EBF1: variants seen among roughly 807,000 people sequenced by gnomAD.
EBF1 encodes the protein EBF transcription factor 1, also known as transcription factor COE1.
EBF1 carries 10 observed loss-of-function variants against 68.4 expected under a neutral mutation model. The ratio of observed to expected loss-of-function variants is 0.15; its 90% CI spans 0.09 to 0.25. The LOEUF (loss-of-function observed/expected upper bound fraction) is 0.25, where lower values mean the gene tolerates loss of function less well. EBF1 is among the 10% of genes least tolerant of loss of function. The pLI is 1.00. For missense variants in EBF1, 509 were observed against 794.4 expected, an observed-to-expected ratio of 0.64 and a Z score of 4.32; for synonymous variants, 298 against 299.8, an observed-to-expected ratio of 0.99 and a Z score of 0.06.
chr5:158,779,362 T>C, intron 9 of EBF1, among the ~76,000 whole-genome samples: 1 of 152,158 alleles, frequency 6.6e-6, no homozygotes, highest in Non-Finnish European at 1.5e-5. Flanking sequence ...GGACAAACAC[T>C]TCCTTTGTAA....
At position 158,697,221 on chromosome 5, in the gene EBF1, C is replaced by T. The variant is rs1374302353; in HGVS notation, c.*1890G>A. The T allele has an allele frequency of 5.3e-6, 1 of 190,200 alleles. No individual in the cohort carries two copies. The highest frequency in any genetic ancestry group is 2.4e-5 in the African/African-American group (1 of 42,418). The allele number at this position is 190,200 out of a possible 1,614,324, so 11.8% of individuals were successfully genotyped here. The stretch of plus-strand genomic sequence containing the variant: ...TTGTAAGCTTCCAAAGCAAAGGATA[C>T]ATTTTTTTTTAAATCTACTGAACTA... On this transcript the variant is annotated 3_prime_UTR_variant, in exon 16 of 16. Transcript: ENST00000313708.
At chr5:159,012,097 G>A (rs1764781846) in intron 6 of EBF1, among the ~76,000 whole-genome samples, 1 of 152,022 alleles carries the variant, frequency 6.6e-6, no homozygotes, top group South Asian at 2.1e-4. Flanking sequence ...GACCAACCTG[G>A]CCAACATGGT....
intron 6 of EBF1, among the ~76,000 whole-genome samples, chr5:158,881,376 G>A (rs566840912): frequency 3.1e-4 from 47 of 152,080 alleles, no homozygotes; most frequent in Non-Finnish European, 4.0e-4. Context: ...AAAATCACCC[G>A]TGATTCTGGA....
chr5:158,787,235 T>TCAGGC (rs548491558), intron 9 of EBF1, among the ~76,000 whole-genome samples: 57 of 152,338 alleles, frequency 3.7e-4, no homozygotes, highest in African/African-American at 1.3e-3. Flanking sequence ...TTTTGATTAC[T>TCAGGC]CAGGGCCACT....
In EBF1 at chr5:159,099,517, G is replaced by GT. The variant is rs1783257120; in HGVS notation, c.-40_-39insA. 9.4e-7 allele frequency: 1 copy of GT among 1,069,392 alleles called. No homozygotes were observed. Among genetic ancestry groups the GT allele is most frequent in the Non-Finnish European group, 1.2e-6 (1 of 857,534 alleles). The allele number at this position is 1,069,392 out of a possible 1,614,324, so 66.2% of individuals were successfully genotyped here. ...TCTTGTGGAAAATCTCCTCCCCCTT[G>GT]AAAAAAATTAAAAAAAAAAAAAAAG... On this transcript the variant is annotated 5_prime_UTR_variant, in exon 1 of 16. Coordinates refer to ENST00000313708, the MANE Select transcript of EBF1 (RefSeq NM_024007.5).
At chr5:158,770,654 A>G (rs1266882795) in intron 10 of EBF1, among the ~76,000 whole-genome samples, 1 of 151,750 alleles carries the variant, frequency 6.6e-6, no homozygotes, top group Non-Finnish European at 1.5e-5. Context: ...GTTTCCTCCC[A>G]CCCAGGGCCT....
chr5:158,983,009 C>A (rs1224803234), intron 6 of EBF1: 1 of 152,228 alleles, frequency 6.6e-6, no homozygotes, highest in Non-Finnish European at 1.5e-5. Context: ...ACCTGCCACA[C>A]TTTACCTAAG....
chr5:158,696,614 C>A lies in EBF1; in HGVS notation c.*2497G>T. ...GAGTACCGAGAAGCAATGCGTCCAC[C>A]TTGCTTACATTTTCCAGTTTTTTTT... On this transcript the variant is annotated 3_prime_UTR_variant, in exon 16 of 16. Transcript: ENST00000313708. 4.6e-6 allele frequency: 1 copy of A among 219,462 alleles called. No homozygotes were observed. The highest frequency in any genetic ancestry group is 9.2e-6 in the Non-Finnish European group (1 of 109,210). The allele number at this position is 219,462 out of a possible 1,614,324, so 13.6% of individuals were successfully genotyped here.
At chr5:158,986,430 G>A (rs1161985617) in intron 6 of EBF1, 4 of 152,132 alleles carry the variant, frequency 2.6e-5, no homozygotes, top group Non-Finnish European at 4.4e-5. Flanking sequence ...ATGCCTACAG[G>A]AACACACAGA....
Position 158,988,266 on chromosome 5 carries a change from G to A in EBF1, c.554+85130C>T, listed in dbSNP as rs115037973. Among the ~76,000 whole-genome samples, 387 of 152,130 alleles carry A rather than the reference G, an allele frequency of 2.5e-3. 2 individuals are homozygous for A. The highest frequency in any genetic ancestry group is 8.9e-3 in the African/African-American group (369 of 41,498). On this transcript the variant is annotated intron_variant, in intron 6 of 15. Transcript: ENST00000313708. Reference sequence around the variant, plus strand: ...TCTTCGTAATTGTACTTTTCCTTTCGTAAACTGCCCCTGGTCCATTCTTCA... The same window carrying A: ...TCTTCGTAATTGTACTTTTCCTTTCATAAACTGCCCCTGGTCCATTCTTCA...
At chr5:158,825,123 G>C (rs1785769348) in intron 7 of EBF1, among the ~76,000 whole-genome samples, 1 of 152,072 alleles carries the variant, frequency 6.6e-6, no homozygotes, top group Admixed American at 6.6e-5. Flanking sequence ...ATTCATGATT[G>C]ACCAACCAGA....
chr5:158,713,633 C>T (rs1378364147), intron 12 of EBF1, among the ~76,000 whole-genome samples: 1 of 152,148 alleles, frequency 6.6e-6, no homozygotes, highest in Non-Finnish European at 1.5e-5. Flanking sequence ...ACTGTGTCCC[C>T]CAGACATTGA....
intron 6 of EBF1, among the ~76,000 whole-genome samples, chr5:158,860,392 A>T (rs910255637): frequency 6.6e-6 from 1 of 152,200 alleles, no homozygotes; most frequent in African/African-American, 2.4e-5. Flanking sequence ...CCACCTGATC[A>T]TGCTTTGGAA....
chr5:158,834,793 G>T, intron 7 of EBF1, among the ~76,000 whole-genome samples: 1 of 152,188 alleles, frequency 6.6e-6, no homozygotes, highest in East Asian at 1.9e-4. Context: ...CTGTTCAGAG[G>T]AGACACGCTC....
chr5:158,956,028 ATGTGTGTGTGTGTGTGTG>A (rs56311243), intron 6 of EBF1, among the ~76,000 whole-genome samples: 33 of 141,142 alleles, frequency 2.3e-4, no homozygotes, highest in South Asian at 7.4e-4. Context: ...ATAAATATAA[ATGTGTGTGTGTGTGTGTG>A]TGTGTGTGTG....
At chr5:158,709,753 C>A (rs1758745083) in intron 14 of EBF1, among the ~76,000 whole-genome samples, 2 of 152,334 alleles carry the variant, frequency 1.3e-5, no homozygotes, top group Middle Eastern at 3.4e-3. Context: ...CATTTTTATA[C>A]ATCTCTTAGG....
intron 6 of EBF1, among the ~76,000 whole-genome samples, chr5:159,050,810 A>G (rs2127815292): frequency 6.6e-6 from 1 of 152,322 alleles, no homozygotes; most frequent in Admixed American, 6.5e-5. Context: ...TTGCTCCCGG[A>G]GGGAGTAGTG....
intron 11 of EBF1, among the ~76,000 whole-genome samples, chr5:158,726,233 C>T (rs1762959562): frequency 6.6e-6 from 1 of 152,100 alleles, no homozygotes; most frequent in Non-Finnish European, 1.5e-5. Flanking sequence ...TGGATAGCTC[C>T]CATTCTCCTT....
At chr5:159,056,789 G>A (rs1033861884) in intron 6 of EBF1, among the ~76,000 whole-genome samples, 5 of 151,994 alleles carry the variant, frequency 3.3e-5, no homozygotes, top group African/African-American at 7.2e-5. Context: ...AATTGCCAAC[G>A]TCAATATTTA....
Sources: allele counts gnomAD v4.1 joint callset (sites outside exome capture counted in the v4.1 genomes callset), GRCh38; gene constraint gnomAD v4.1.1; transcripts MANE v1.5; gene names NCBI Gene and HGNC (gene_info 2026-07-23, HGNC 2026-07-21).